The following CNTN5 variants were observed in gnomAD, a reference collection of about 807,000 sequenced individuals.
The protein encoded by CNTN5 is contactin-5.
CNTN5 carries 77 observed loss-of-function variants against 129.1 expected under a neutral mutation model. The ratio of observed to expected loss-of-function variants is 0.60; its 90% CI spans 0.50 to 0.72. The LOEUF (loss-of-function observed/expected upper bound fraction) is 0.72, where lower values mean the gene tolerates loss of function less well. Among genes scored for constraint, CNTN5 ranks in the 30% least tolerant of loss-of-function variants. The pLI is 0.00. For synonymous variants in CNTN5, 509 were observed against 465.6 expected (o/e 1.09, Z -1.20); for missense variants, 1,478 against 1,328.8 (o/e 1.11, Z -1.75).
intron 2 of CNTN5, among the ~76,000 whole-genome samples, chr11:99,460,588 A>G (rs1944659319): frequency 6.6e-6 from 1 of 152,064 alleles, no homozygotes; most frequent in Admixed American, 6.6e-5. Context: ...TTGAGAAAGA[A>G]GAATTAGAAG....
In CNTN5 at chr11:99,887,311, T is replaced by C. The variant is rs77827362; in HGVS notation, c.578-28743T>C. ...AATTCATAAAGATTGGCAGAGATGG[T>C]AATTTTTTGTAAATGTGAACTGAGA... On this transcript the variant is annotated intron_variant, in intron 6 of 24. Coordinates refer to ENST00000524871, the MANE Select transcript of CNTN5 (RefSeq NM_014361.4). 1.1e-3 allele frequency among the ~76,000 whole-genome samples: 168 copies of C among 152,318 alleles called. 4 individuals are homozygous for C. In the East Asian group the frequency reaches 0.031, roughly 28 times the overall value.
chr11:99,287,121 G>A (rs1012368974), intron 1 of CNTN5, among the ~76,000 whole-genome samples: 1 of 152,098 alleles, frequency 6.6e-6, no homozygotes, highest in African/African-American at 2.4e-5. Flanking sequence ...GGTGACAAGT[G>A]CTCTTTCATT....
chr11:99,136,714 A>T (rs2155561), intron 1 of CNTN5, among the ~76,000 whole-genome samples: 2 of 152,008 alleles, frequency 1.3e-5, no homozygotes, highest in South Asian at 2.1e-4. Context: ...GGAAATGGCC[A>T]TATATAATAT....
intron 14 of CNTN5, among the ~76,000 whole-genome samples, chr11:100,192,564 GT>G (rs1051769348): frequency 8.6e-5 from 13 of 151,954 alleles, no homozygotes; most frequent in African/African-American, 3.1e-4. Flanking sequence ...TAAGCCAATT[GT>G]TAATCACTGT....
chr11:99,966,548 C>T (rs1215473927), intron 8 of CNTN5, among the ~76,000 whole-genome samples: 1 of 152,196 alleles, frequency 6.6e-6, no homozygotes, highest in Non-Finnish European at 1.5e-5. Flanking sequence ...GTGTAATTCT[C>T]TTAGCACTTA....
At chr11:99,358,169 A>G (rs1298769284) in intron 2 of CNTN5, among the ~76,000 whole-genome samples, 1 of 132,972 alleles carries the variant, frequency 7.5e-6, no homozygotes, top group African/African-American at 2.7e-5. Context: ...GCTCACTGCA[A>G]GCTCCGCCTC....
intron 3 of CNTN5, among the ~76,000 whole-genome samples, chr11:99,709,106 C>T (rs1483533729): frequency 1.3e-5 from 2 of 151,830 alleles, no homozygotes; most frequent in Non-Finnish European, 2.9e-5. Context: ...TGTAGCTAAG[C>T]TCATTAGCAC....
At chr11:99,892,613 G>A (rs1949092760) in intron 6 of CNTN5, among the ~76,000 whole-genome samples, 1 of 152,056 alleles carries the variant, frequency 6.6e-6, no homozygotes, top group African/African-American at 2.4e-5. Flanking sequence ...TTTTTGTCAG[G>A]TTTGTCAAAG....
At chr11:99,609,930 T>C (rs1417305487) in intron 3 of CNTN5, among the ~76,000 whole-genome samples, 1 of 152,128 alleles carries the variant, frequency 6.6e-6, no homozygotes, top group African/African-American at 2.4e-5. Context: ...AAATTCCTCA[T>C]GTTCTATGTG....
At chr11:99,466,457 G>GT (rs1288299667) in intron 2 of CNTN5, among the ~76,000 whole-genome samples, 1 of 152,004 alleles carries the variant, frequency 6.6e-6, no homozygotes, top group Non-Finnish European at 1.5e-5. Flanking sequence ...CCCATGTTGT[G>GT]TTTTACTTTG....
chr11:100,229,954 A>G (rs1375515248), intron 16 of CNTN5, among the ~76,000 whole-genome samples: 2 of 152,170 alleles, frequency 1.3e-5, no homozygotes, highest in Admixed American at 1.3e-4. Context: ...TTTGAACGCA[A>G]GAGAGTCTCC....
intron 1 of CNTN5, among the ~76,000 whole-genome samples, chr11:99,078,643 A>G (rs1865674214): frequency 6.6e-6 from 1 of 152,240 alleles, no homozygotes; most frequent in South Asian, 2.1e-4. Context: ...TTGCAAGAAC[A>G]TGGATAGAAC....
chr11:100,220,882 A>G (rs887085673), intron 15 of CNTN5, among the ~76,000 whole-genome samples: 3 of 152,140 alleles, frequency 2.0e-5, no homozygotes, highest in African/African-American at 4.8e-5. Context: ...CTAACTTACT[A>G]GAGAGGAAAA....
At chr11:99,785,270 G>T (rs1341049264) in intron 3 of CNTN5, among the ~76,000 whole-genome samples, 2 of 151,848 alleles carry the variant, frequency 1.3e-5, no homozygotes, top group Non-Finnish European at 2.9e-5. Context: ...TTGTAAATTT[G>T]TTTATGTTCT....
intron 1 of CNTN5, among the ~76,000 whole-genome samples, chr11:99,188,312 T>C (rs1858457215): frequency 1.3e-5 from 2 of 151,866 alleles, no homozygotes; most frequent in South Asian, 4.1e-4. Context: ...GTAACATTGT[T>C]GATTCAAAGG....
In CNTN5 at chr11:100,060,098, T is replaced by C. The variant is rs368911400; in HGVS notation, c.981-1114T>C. 1.1e-3 allele frequency among the ~76,000 whole-genome samples: 160 copies of C among 151,702 alleles called. 3 individuals are homozygous for C. In the South Asian group the frequency reaches 0.03, roughly 29 times the overall value. ...GTGGCAGCACACCTGTAATCCCAGC[T>C]ACTTGGGAAACTGAGGCAGGAGAAT... On this transcript the variant is annotated intron_variant, in intron 9 of 24. Coordinates refer to ENST00000524871, the MANE Select transcript of CNTN5 (RefSeq NM_014361.4).
intron 1 of CNTN5, among the ~76,000 whole-genome samples, chr11:99,269,680 G>T (rs776209494): frequency 2.7e-5 from 4 of 149,522 alleles, no homozygotes; most frequent in Admixed American, 6.7e-5. Flanking sequence ...CAATCTAGGA[G>T]TCTACACAAC....
At chr11:99,410,386 A>G (rs1401615415) in intron 2 of CNTN5, among the ~76,000 whole-genome samples, 3 of 152,194 alleles carry the variant, frequency 2.0e-5, no homozygotes, top group Non-Finnish European at 2.9e-5. Context: ...AAAAATGCAC[A>G]TACCTTTCCT....
intron 3 of CNTN5, among the ~76,000 whole-genome samples, chr11:99,747,327 T>A (rs933981780): frequency 6.6e-6 from 1 of 152,166 alleles, no homozygotes; most frequent in Non-Finnish European, 1.5e-5. Flanking sequence ...TCTTTGCAGT[T>A]TTCTAAAAAT....
Sources: allele counts gnomAD v4.1 joint callset (sites outside exome capture counted in the v4.1 genomes callset), GRCh38; gene constraint gnomAD v4.1.1; transcripts MANE v1.5; gene names NCBI Gene and HGNC (gene_info 2026-07-23, HGNC 2026-07-21).